OTUD7A: variants seen among roughly 807,000 people sequenced by gnomAD.
OTUD7A encodes OTU deubiquitinase 7A.
OTUD7A carries 12 observed loss-of-function variants against 65.7 expected under a neutral mutation model. The observed-to-expected ratio is 0.18, with a 90% CI of 0.12 to 0.30. The LOEUF (loss-of-function observed/expected upper bound fraction) is 0.30, where lower values mean the gene tolerates loss of function less well. Among genes scored for constraint, OTUD7A ranks in the 10% least tolerant of loss-of-function variants. The pLI, the probability that OTUD7A is intolerant of heterozygous loss-of-function variation, is 1.00. For missense variants in OTUD7A, 1,148 were observed against 1,304.8 expected, an observed-to-expected ratio of 0.88 and a Z score of 1.85; for synonymous variants, 641 against 586.3, an observed-to-expected ratio of 1.09 and a Z score of -1.35.
intron 1 of OTUD7A, among the ~76,000 whole-genome samples, chr15:31,713,303 A>C (rs1290647930): frequency 6.6e-6 from 1 of 152,190 alleles, no homozygotes; most frequent in Non-Finnish European, 1.5e-5. Context: ...GTTCTGAAAC[A>C]AGATGCCAAA....
At chr15:31,860,677 G>GTGTATATATATGTATATATA in intron 1 of OTUD7A, among the ~76,000 whole-genome samples, 1 of 73,284 alleles carries the variant, frequency 1.4e-5, no homozygotes, top group African/African-American at 4.6e-5. Context: ...ATGTATGTGT[G>GTGTATATATATGTATATATA]TATATATATA....
At chr15:31,861,512 C>T (rs1897740859) in intron 1 of OTUD7A, among the ~76,000 whole-genome samples, 1 of 152,240 alleles carries the variant, frequency 6.6e-6, no homozygotes, top group South Asian at 2.1e-4. Flanking sequence ...TAGAAGAAAC[C>T]TTGTCTACCT....
intron 1 of OTUD7A, among the ~76,000 whole-genome samples, chr15:31,701,612 CCGGT>C (rs1893215730): frequency 6.6e-6 from 1 of 150,452 alleles, no homozygotes; most frequent in Non-Finnish European, 1.5e-5. Flanking sequence ...TAATATGAAA[CCGGT>C]CATTTGGATA....
At chr15:31,856,583 A>G (rs2141010787) in intron 1 of OTUD7A, among the ~76,000 whole-genome samples, 1 of 152,316 alleles carries the variant, frequency 6.6e-6, no homozygotes, top group Middle Eastern at 3.4e-3. Flanking sequence ...TTCATGGAAC[A>G]TGTTTCACAA....
At chr15:31,860,854 C>T (rs182575228) in intron 1 of OTUD7A, among the ~76,000 whole-genome samples, 1,974 of 145,060 alleles carry the variant, frequency 0.014, 44 homozygotes, top group African/African-American at 0.047. Flanking sequence ...TACAGGCGCC[C>T]GCCACCATGC....
intron 3 of OTUD7A, among the ~76,000 whole-genome samples, chr15:31,595,856 A>G (rs1341569622): frequency 6.6e-6 from 1 of 151,964 alleles, no homozygotes; most frequent in Non-Finnish European, 1.5e-5. Flanking sequence ...GCTGGAGGTC[A>G]CTGTCAGTGT....
In OTUD7A at chr15:31,548,892, T is replaced by C. The variant is rs567636304; in HGVS notation, c.550+10077A>G. Among the ~76,000 whole-genome samples, 3 of 152,074 alleles carry C rather than the reference T, an allele frequency of 2.0e-5. No homozygotes were observed. In the East Asian group the frequency reaches 5.8e-4, roughly 29 times the overall value. ...GGCTCATGCCTATAATCCCAGCACT[T>C]TGGGAGGCTGAGGTGGGTGGATCAC... On this transcript the variant is annotated intron_variant, in intron 5 of 12. Transcript: ENST00000307050.
At chr15:31,520,063 T>C (rs1307827298) in intron 8 of OTUD7A, among the ~76,000 whole-genome samples, 1 of 152,202 alleles carries the variant, frequency 6.6e-6, no homozygotes, top group East Asian at 1.9e-4. Flanking sequence ...AATGACTATA[T>C]TGCTACAGTA....
chr15:31,480,259 C>T lies in OTUD7A; in HGVS notation c.*3035G>A, dbSNP rs1031779904. 6.6e-6 allele frequency: 1 copy of T among 152,304 alleles called. No individual in the cohort carries two copies. The highest frequency in any genetic ancestry group is 3.4e-3 in the Middle Eastern group (1 of 294). 9.4% of individuals were successfully genotyped at this position (152,304 alleles called of 1,614,324 possible). A position where few individuals can be genotyped will look rare whatever the true frequency, so the allele number is the denominator to read the frequency against. The stretch of plus-strand genomic sequence containing the variant: ...TACCAACAGAATACACTGAAAAACA[C>T]CTTCCCTTAACAATATTTTAAAAAA... On this transcript the variant is annotated 3_prime_UTR_variant, in exon 13 of 13. Transcript: ENST00000307050.
At chr15:31,867,348 C>T (rs776488142) in intron 1 of OTUD7A, among the ~76,000 whole-genome samples, 2 of 152,132 alleles carry the variant, frequency 1.3e-5, no homozygotes, top group African/African-American at 2.4e-5. Flanking sequence ...CATTTAGGCA[C>T]GTCATGGAAA....
At chr15:31,825,564 C>T (rs1896778308) in intron 1 of OTUD7A, among the ~76,000 whole-genome samples, 1 of 152,150 alleles carries the variant, frequency 6.6e-6, no homozygotes, top group Non-Finnish European at 1.5e-5. Context: ...AGAGCCAAAC[C>T]ATATCATTCC....
chr15:31,859,511 C>T (rs1897664816), intron 1 of OTUD7A, among the ~76,000 whole-genome samples: 1 of 152,226 alleles, frequency 6.6e-6, no homozygotes, highest in Non-Finnish European at 1.5e-5. Context: ...TCTACCAGTT[C>T]ACCTTGCAGA....
chr15:31,622,750 T>G (rs1305646138), intron 3 of OTUD7A, among the ~76,000 whole-genome samples: 1 of 152,234 alleles, frequency 6.6e-6, no homozygotes, highest in South Asian at 2.1e-4. Flanking sequence ...GTCTGAAGCC[T>G]TCTTCTCTCA....
intron 4 of OTUD7A, among the ~76,000 whole-genome samples, chr15:31,559,974 A>T (rs1888638058): frequency 6.6e-6 from 1 of 152,210 alleles, no homozygotes; most frequent in Non-Finnish European, 1.5e-5. Context: ...CACAAGAGTC[A>T]TGAAACCACT....
rs116831999 is a variant in OTUD7A at position 31,521,142 on chromosome 15, G to A, written c.893+5207C>T. The stretch of plus-strand genomic sequence containing the variant: ...GAAGCTATGACAGGCCGGAGGGTTC[G>A]CGGGGGTGAGGACTGAAAAATTACA... On this transcript the variant is annotated intron_variant, in intron 8 of 12. Coordinates refer to ENST00000307050, the MANE Select transcript of OTUD7A (RefSeq NM_001382637.1). Among the ~76,000 whole-genome samples, 337 of 152,336 alleles carry A rather than the reference G, an allele frequency of 2.2e-3. 2 individuals are homozygous for A. Among genetic ancestry groups the A allele is most frequent in the African/African-American group, 7.3e-3 (304 of 41,564 alleles).
At chr15:31,824,081 G>A (rs1374735440) in intron 1 of OTUD7A, among the ~76,000 whole-genome samples, 1 of 152,190 alleles carries the variant, frequency 6.6e-6, no homozygotes, top group African/African-American at 2.4e-5. Flanking sequence ...CATAGTAGGG[G>A]CAGCACTAGC....
chr15:31,501,602 A>G, intron 10 of OTUD7A, 88 bp downstream of exon 10: 2 of 1,555,368 alleles, frequency 1.3e-6, no homozygotes, highest in Non-Finnish European at 1.8e-6. Flanking sequence ...GGTCTCCACA[A>G]TCCACCTCCC....
chr15:31,739,481 A>G (rs953269847), intron 1 of OTUD7A, among the ~76,000 whole-genome samples: 5 of 152,268 alleles, frequency 3.3e-5, no homozygotes, highest in Non-Finnish European at 7.3e-5. Flanking sequence ...ACTTAATTAG[A>G]TAAATATGCA....
intron 3 of OTUD7A, among the ~76,000 whole-genome samples, chr15:31,599,229 G>T (rs548203425): frequency 3.9e-5 from 6 of 152,206 alleles, no homozygotes; most frequent in African/African-American, 1.4e-4. Context: ...CTCCCAGGAG[G>T]GGCCAACAGA....
Sources: allele counts gnomAD v4.1 joint callset (sites outside exome capture counted in the v4.1 genomes callset), GRCh38; gene constraint gnomAD v4.1.1; transcripts MANE v1.5; gene names NCBI Gene and HGNC (gene_info 2026-07-23, HGNC 2026-07-21).